Variants in POLL observed in about 807,000 individuals in gnomAD.
POLL encodes the protein DNA polymerase lambda.
POLL carries 44 observed loss-of-function variants against 58.1 expected under a neutral mutation model. The ratio of observed to expected loss-of-function variants is 0.76; its 90% CI spans 0.60 to 0.97. POLL has a LOEUF of 0.97. POLL is among the 50% of genes least tolerant of loss of function. The probability of loss-of-function intolerance (pLI) is 0.00; values close to 1 mark genes in which losing one functional copy is unlikely to be tolerated. For missense variants in POLL, 632 were observed against 736.8 expected, an observed-to-expected ratio of 0.86 and a Z score of 1.65; for synonymous variants, 290 against 283.2, an observed-to-expected ratio of 1.02 and a Z score of -0.24.
chr10:101,583,154 T>A, intron 6 of POLL: 3 of 595,104 alleles, frequency 5.0e-6, no homozygotes, highest in South Asian at 4.1e-5. Flanking sequence ...GTCATCTTCA[T>A]CCTTACCAAG....
chr10:101,579,421 A>T lies in POLL; in HGVS notation c.*32T>A. On this transcript the variant is annotated 3_prime_UTR_variant, in exon 9 of 9. Coordinates refer to ENST00000370162, the MANE Select transcript of POLL (RefSeq NM_001174084.2). This position sits in a 1 kb window ranked among gnomAD's most constrained non-coding sequence, Gnocchi z 4.4. ...GTGGCCAGGAGGGGTAGCCAGTCCA[A>T]CTCGGCTCTCCTCAGCACCCCCAGC... The T allele has an allele frequency of 1.3e-6, 2 of 1,568,250 alleles. No individual in the cohort carries two copies. The highest frequency in any genetic ancestry group is 1.7e-6 in the Non-Finnish European group (2 of 1,160,890).
Position 101,587,912 on chromosome 10 carries a change from G to A in POLL, c.-137C>T. On this transcript the variant is annotated 5_prime_UTR_variant, in exon 1 of 9. Transcript: ENST00000370162. ...GTCCTGGTCTCAGCCTCTCGACATGGGGGTGCTCAGCGCCGCAGCTGCGGG... is the reference window on the plus strand; with the variant it reads ...GTCCTGGTCTCAGCCTCTCGACATGAGGGTGCTCAGCGCCGCAGCTGCGGG... 3 of 1,216,388 alleles carry A rather than the reference G, an allele frequency of 2.5e-6. No individual in the cohort carries two copies. Among genetic ancestry groups the A allele is most frequent in the Non-Finnish European group, 3.1e-6 (3 of 954,090 alleles). 75.3% of individuals were successfully genotyped at this position (1,216,388 alleles called of 1,614,324 possible). A position where few individuals can be genotyped will look rare whatever the true frequency, so the allele number is the denominator to read the frequency against.
At position 101,583,623 on chromosome 10, in the gene POLL, AG is replaced by A. The variant is rs757139792; in HGVS notation, c.949del (p.Leu317TrpfsTer53). The A allele has an allele frequency of 1.2e-6, 2 of 1,614,192 alleles. No individual in the cohort carries two copies. The highest frequency in any genetic ancestry group is 1.1e-5 in the South Asian group (1 of 91,078). ...CAGCTTCCGCAAATGCCCGCTCTCC[AG>A]GATCTCTATGATTTTCTCAGCCATC... is the stretch of plus-strand genomic sequence containing the variant. ...KRMAEKIIEILESGHLRKLDH... is the reference protein window; with the variant it reads ...KRMAEKIIEIXESGHLRKLDH... On this transcript the variant is annotated frameshift_variant, in exon 6 of 9. Coordinates refer to ENST00000370162, the MANE Select transcript of POLL (RefSeq NM_001174084.2). LOFTEE classifies it high-confidence loss of function.
chr10:101,587,112 A>G lies in POLL; in HGVS notation c.115+134T>C, dbSNP rs1393305190. 4 of 1,600,632 alleles carry G rather than the reference A, an allele frequency of 2.5e-6. No homozygotes were observed. In the Admixed American group the frequency reaches 6.7e-5, roughly 27 times the overall value. Reference sequence around the variant, plus strand: ...GGACCAAGCTTAGCACAAGGTAGATACAAACAGACCTGCAGGCCCTGGACA... The same window carrying G: ...GGACCAAGCTTAGCACAAGGTAGATGCAAACAGACCTGCAGGCCCTGGACA... On this transcript the variant is annotated intron_variant, in intron 2 of 8. Coordinates refer to ENST00000370162, the MANE Select transcript of POLL (RefSeq NM_001174084.2).
chr10:101,579,821 G>A lies in POLL; in HGVS notation c.1364-4C>T, dbSNP rs370619228. 1.2e-6 allele frequency: 2 copies of A among 1,610,020 alleles called. No individual in the cohort carries two copies. The highest frequency in any genetic ancestry group is 1.7e-6 in the Non-Finnish European group (2 of 1,177,916). On this transcript the variant is annotated splice_region_variant and splice_polypyrimidine_tract_variant and intron_variant, in intron 8 of 8. Transcript: ENST00000370162. The surrounding 1 kb of genome is among the most constrained non-coding windows in gnomAD (Gnocchi z 4.4). ...ACCAAGTCATCTGTGAGGAACCCTG[G>A]CCCAACAGAGGGGACTGCTGGGAGG...
intron 2 of POLL, 82 bp from the exon 3 acceptor site, chr10:101,586,238 A>G (rs1270571267): frequency 1.2e-5 from 15 of 1,223,036 alleles, no homozygotes; most frequent in Middle Eastern, 2.9e-4. Flanking sequence ...ATAACTTCTA[A>G]CATGATCTGA....
At chr10:101,582,990 G>GCCTTCCCTAGAGTCT in intron 6 of POLL, 99 bp from the exon 7 acceptor site, 2 of 1,505,718 alleles carry the variant, frequency 1.3e-6, no homozygotes, top group Non-Finnish European at 1.8e-6. Context: ...CCAGACTCTA[G>GCCTTCCCTAGAGTCT]GGAAGGCTAG....
chr10:101,585,004 C>G, intron 4 of POLL, 85 bp from the exon 5 acceptor site: 2 of 886,280 alleles, frequency 2.3e-6, no homozygotes, highest in Non-Finnish European at 3.1e-6. Context: ...CTTCTTTGTG[C>G]GGGGGGAGGG....
At chr10:101,582,109 C>T (rs1033776537) in intron 7 of POLL, 1 of 152,396 alleles carries the variant, frequency 6.6e-6, no homozygotes, top group African/African-American at 2.4e-5. Context: ...ATCTGTCCAC[C>T]CTGTTCTCCC....
chr10:101,585,604 T>C, intron 3 of POLL, 126 bp from the exon 4 acceptor site: 1 of 897,504 alleles, frequency 1.1e-6, no homozygotes, highest in Non-Finnish European at 1.6e-6. Flanking sequence ...TTTTTTGAGG[T>C]TTTTGGAGTT....
intron 2 of POLL, 68 bp downstream of exon 2, chr10:101,587,178 C>T (rs545513143): frequency 2.3e-4 from 373 of 1,612,272 alleles, no homozygotes; most frequent in Non-Finnish European, 3.0e-4. Flanking sequence ...ACATAAACAA[C>T]GTAGGGCTGA....
At chr10:101,581,820 T>G (rs1454160250) in intron 7 of POLL, 5 of 152,150 alleles carry the variant, frequency 3.3e-5, no homozygotes, top group African/African-American at 7.2e-5. Context: ...CTTTTTTTTT[T>G]TTTCAGACAG....
rs2062862427 is a variant in POLL at position 101,579,612 on chromosome 10, C to T, written c.1569G>A (p.Lys523=). The change falls in exon 9 of 9, where the codon AAG becomes AAA. Residue 523 remains lysine, a synonymous_variant. Transcript: ENST00000370162. The surrounding 1 kb of genome is among the most constrained non-coding windows in gnomAD (Gnocchi z 4.4). ...GGGCATGTTCTGACAGACTCATGCC[C>T]TTGGTTTTGGCCAGGGCTCGCATGG... ...NRSMRALAKT[K]GMSLSEHALS... is the part of the protein sequence containing the mutation. The T allele has an allele frequency of 6.2e-7, 1 of 1,613,898 alleles. No individual in the cohort carries two copies. The highest frequency in any genetic ancestry group is 1.7e-5 in the Admixed American group (1 of 60,002).
chr10:101,587,929 A>T lies in POLL; in HGVS notation c.-154T>A, dbSNP rs1481346146. The T allele has an allele frequency of 8.2e-7, 1 of 1,226,762 alleles. No individual in the cohort carries two copies. The highest frequency in any genetic ancestry group is 1.4e-5 in the South Asian group (1 of 69,054). The allele number at this position is 1,226,762 out of a possible 1,614,324, so 76.0% of individuals were successfully genotyped here. On this transcript the variant is annotated 5_prime_UTR_variant, in exon 1 of 9. Transcript: ENST00000370162. ...TCGACATGGGGGTGCTCAGCGCCGC[A>T]GCTGCGGGGAGATGGGGCACGGCCG...
chr10:101,585,960 G>C lies in POLL; in HGVS notation c.312C>G (p.Pro104=). 1 of 1,614,064 alleles carries C rather than the reference G, an allele frequency of 6.2e-7. No homozygotes were observed. Among genetic ancestry groups the C allele is most frequent in the South Asian group, 1.1e-5 (1 of 91,070 alleles). The change falls in exon 3 of 9, where the codon CCC becomes CCG. Residue 104 remains proline (P), a synonymous_variant. Coordinates refer to ENST00000370162, the MANE Select transcript of POLL (RefSeq NM_001174084.2). ...CTGACTTCACCAGCTGAGCACCCGG[G>C]GGCAGCTGGGGTAGTCTGAGAAGGC... is the stretch of plus-strand genomic sequence containing the variant. ...ALRLLRLPQL[P]PGAQLVKSAW... is the part of the protein sequence containing the mutation.
intron 3 of POLL, 140 bp from the exon 4 acceptor site, chr10:101,585,618 CTT>C (rs1347403268): frequency 6.1e-6 from 5 of 822,450 alleles, no homozygotes; most frequent in African/African-American, 1.7e-5. Flanking sequence ...TGGAGTTTCT[CTT>C]GAGACAGGGT....
chr10:101,581,652 C>T (rs1377077941), intron 7 of POLL: 1 of 152,222 alleles, frequency 6.6e-6, no homozygotes, highest in Non-Finnish European at 1.5e-5. Context: ...TAAATGCAGT[C>T]CAGTGTCTCT....
At chr10:101,586,378 C>A (rs1046512586) in intron 2 of POLL, among the ~76,000 whole-genome samples, 7 of 152,206 alleles carry the variant, frequency 4.6e-5, no homozygotes, top group Non-Finnish European at 1.0e-4. Flanking sequence ...TTTCATACGT[C>A]CTGTTCCTTG....
At position 101,579,760 on chromosome 10, in the gene POLL, A is replaced by C. The variant is rs777693983; in HGVS notation, c.1421T>G (p.Leu474Trp). ...QEENGQQQKY[L>W]GVCRLPGPGR... The stretch of plus-strand genomic sequence containing the variant: ...TGGCCCTGGGAGCCGGCACACCCCC[A>C]AGTACTTCTGTTGCTGACCATTCTC... The change falls in exon 9 of 9, where the codon TTG becomes TGG. Residue 474 changes from leucine to tryptophan, a missense_variant. Transcript: ENST00000370162. This position sits in a 1 kb window ranked among gnomAD's most constrained non-coding sequence, Gnocchi z 4.4. 2 of 1,613,750 alleles carry C rather than the reference A, an allele frequency of 1.2e-6. No homozygotes were observed. The highest frequency in any genetic ancestry group is 2.2e-5 in the South Asian group (2 of 91,056).
Sources: allele counts gnomAD v4.1 joint callset (sites outside exome capture counted in the v4.1 genomes callset), GRCh38; gene constraint gnomAD v4.1.1; non-coding constraint Gnocchi (gnomAD v3.1); transcripts MANE v1.5; gene names NCBI Gene and HGNC (gene_info 2026-07-23, HGNC 2026-07-21).